ADGB: variants seen among roughly 807,000 people sequenced by gnomAD.
The protein encoded by ADGB is calpain-7-like protein.
In ADGB, 172 loss-of-function variants were observed where a neutral mutation model predicts 210.5. The ratio of observed to expected loss-of-function variants is 0.82; its 90% confidence interval spans 0.72 to 0.93. ADGB has a LOEUF of 0.93. Among genes scored for constraint, ADGB ranks in the 40% least tolerant of loss-of-function variants. ADGB has a pLI of 0.00. For missense variants in ADGB, 2,025 were observed against 1,964.8 expected, an observed-to-expected ratio of 1.03 and a Z score of -0.58; for synonymous variants, 658 against 662.7, an observed-to-expected ratio of 0.99 and a Z score of 0.11.
In ADGB at chr6:146,801,891, G is replaced by C; in HGVS notation, c.4698G>C (p.Lys1566Asn). 6.4e-7 allele frequency: 1 copy of C among 1,551,034 alleles called. No homozygotes were observed. Among genetic ancestry groups the C allele is most frequent in the Non-Finnish European group, 8.7e-7 (1 of 1,146,696 alleles). Residue 1566 changes from lysine (K) to asparagine (N), a missense_variant, in exon 35 of 36, where the codon AAG becomes AAC. By Grantham distance (94) the Lys-to-Asn change is moderately conservative. Coordinates refer to ENST00000397944, the MANE Select transcript of ADGB (RefSeq NM_024694.4). Reference sequence around the variant, plus strand: ...TGAATCAGCAGCAGGCAATGCAAAAGGCGGAAGAAATTCATCAGTTTCGAC... The same window carrying C: ...TGAATCAGCAGCAGGCAATGCAAAACGCGGAAGAAATTCATCAGTTTCGAC... ...DELNQQQAMQ[K>N]AEEIHQFRQH... is the part of the protein sequence containing the mutation.
At chr6:146,790,965 T>TA (rs1382301334) in intron 33 of ADGB, among the ~76,000 whole-genome samples, 1 of 152,216 alleles carries the variant, frequency 6.6e-6, no homozygotes, top group African/African-American at 2.4e-5. Context: ...TCTTTTTATA[T>TA]ATGTGTGGGT....
At chr6:146,799,465 C>A (rs1283089843) in intron 33 of ADGB, among the ~76,000 whole-genome samples, 1 of 143,978 alleles carries the variant, frequency 6.9e-6, no homozygotes, top group Non-Finnish European at 1.5e-5. Context: ...ACCAGGGAGG[C>A]GGAAGTTGCA....
chr6:146,762,048 T>C (rs1305337850), intron 27 of ADGB, among the ~76,000 whole-genome samples: 1 of 152,128 alleles, frequency 6.6e-6, no homozygotes, highest in African/African-American at 2.4e-5. Context: ...TTAGGGCTCA[T>C]CCTAATCCAG....
rs537473613 is a variant in ADGB, at chr6:146,794,356, G to T, written c.4537+5746G>T. On this transcript the variant is annotated intron_variant, in intron 33 of 35. Transcript: ENST00000397944. ...AGCTCCGGTGAGTGGCTGGAAAGGG[G>T]TGTTGGGAGCAAACTGAGTGGCTCC... Among the ~76,000 whole-genome samples, 3 of 152,218 alleles carry T rather than the reference G, an allele frequency of 2.0e-5. No homozygotes were observed. The South Asian group carries it at 6.2e-4, about 32-fold the overall frequency.
chr6:146,775,456 A>G (rs1243157267), intron 29 of ADGB, among the ~76,000 whole-genome samples: 1 of 152,176 alleles, frequency 6.6e-6, no homozygotes, highest in Non-Finnish European at 1.5e-5. Flanking sequence ...GAGATGGTTC[A>G]TGGTCACTTA....
intron 18 of ADGB, 75 bp downstream of exon 18, chr6:146,724,402 A>G: frequency 7.1e-7 from 1 of 1,399,768 alleles, no homozygotes; most frequent in Non-Finnish European, 9.5e-7. Context: ...TAAAGAAGTA[A>G]ACAATATGGA....
intron 35 of ADGB, chr6:146,803,695 A>T: frequency 8.5e-7 from 1 of 1,175,858 alleles, no homozygotes; most frequent in South Asian, 1.3e-5. Flanking sequence ...TAACATTGTG[A>T]GTTTCCGATG....
chr6:146,615,688 A>G (rs1397144792), intron 1 of ADGB, among the ~76,000 whole-genome samples: 1 of 152,144 alleles, frequency 6.6e-6, no homozygotes, highest in African/African-American at 2.4e-5. Context: ...AACATGGAAT[A>G]TTTATCTTTC....
At chr6:146,641,769 G>T (rs1322837438) in intron 2 of ADGB, among the ~76,000 whole-genome samples, 1 of 151,954 alleles carries the variant, frequency 6.6e-6, no homozygotes, top group Non-Finnish European at 1.5e-5. Context: ...ATGGAATAAA[G>T]ACTTAAATGT....
intron 4 of ADGB, among the ~76,000 whole-genome samples, chr6:146,656,311 A>G (rs1291238674): frequency 1.3e-5 from 2 of 152,218 alleles, no homozygotes; most frequent in African/African-American, 2.4e-5. Context: ...TGTCTACCCC[A>G]TTTTAATTCT....
chr6:146,771,339 G>A (rs259421), intron 29 of ADGB, among the ~76,000 whole-genome samples: 72,641 of 151,486 alleles, frequency 0.48, 18,367 homozygotes, highest in Admixed American at 0.59. Flanking sequence ...TTATTTTGCA[G>A]TTGACCACCC....
intron 7 of ADGB, among the ~76,000 whole-genome samples, chr6:146,671,969 G>C (rs1327878896): frequency 6.6e-6 from 1 of 152,062 alleles, no homozygotes; most frequent in African/African-American, 2.4e-5. Context: ...TCCCTACCAG[G>C]GCGAGTGATC....
chr6:146,737,191 A>C (rs1777091719), intron 23 of ADGB, among the ~76,000 whole-genome samples: 1 of 152,138 alleles, frequency 6.6e-6, no homozygotes. Context: ...ATGAGCAAGA[A>C]AATAAATAAT....
intron 16 of ADGB, among the ~76,000 whole-genome samples, chr6:146,718,375 CT>C (rs1266019523): frequency 7.1e-6 from 1 of 139,880 alleles, no homozygotes; most frequent in Non-Finnish European, 1.6e-5. Context: ...AAAGGCTCAG[CT>C]TCATGTCCTC....
chr6:146,721,144 T>C (rs982483627), intron 16 of ADGB, among the ~76,000 whole-genome samples: 1 of 152,184 alleles, frequency 6.6e-6, no homozygotes, highest in Non-Finnish European at 1.5e-5. Context: ...TCTGTCCTCA[T>C]AGAGGAGAGC....
intron 12 of ADGB, among the ~76,000 whole-genome samples, chr6:146,694,115 C>G (rs1044104005): frequency 1.3e-5 from 2 of 152,118 alleles, no homozygotes; most frequent in Non-Finnish European, 2.9e-5. Context: ...ACTCTTCCAG[C>G]CTTTATTACC....
At chr6:146,657,183 G>T (rs1366124317) in intron 5 of ADGB, among the ~76,000 whole-genome samples, 3 of 152,022 alleles carry the variant, frequency 2.0e-5, no homozygotes, top group Non-Finnish European at 4.4e-5. Context: ...AAAATTAGCT[G>T]GGTACGGTGG....
intron 35 of ADGB, among the ~76,000 whole-genome samples, chr6:146,808,246 C>G (rs62434398): frequency 1.3e-5 from 2 of 152,208 alleles, no homozygotes; most frequent in Non-Finnish European, 2.9e-5. Flanking sequence ...GTGATCTGCG[C>G]GCATCGGCCT....
chr6:146,780,767 A>G (rs1186964033), intron 29 of ADGB, among the ~76,000 whole-genome samples: 2 of 152,154 alleles, frequency 1.3e-5, no homozygotes, highest in Non-Finnish European at 2.9e-5. Flanking sequence ...TAATACCCCA[A>G]TTTTAATAAT....
Sources: gnomAD v4.1 joint callset for allele counts (sites outside exome capture counted in the v4.1 genomes callset) on GRCh38, gnomAD v4.1.1 for gene constraint, MANE v1.5 for transcripts, NCBI Gene and HGNC (gene_info 2026-07-23, HGNC 2026-07-21) for gene names.